RBMS3: variants seen among roughly 807,000 people sequenced by gnomAD.
The protein encoded by RBMS3 is RNA binding motif single stranded interacting protein 3.
In RBMS3, 27 loss-of-function variants were observed where a neutral mutation model predicts 66.8. The observed-to-expected ratio is 0.40, with a 90% CI of 0.30 to 0.56. The LOEUF (loss-of-function observed/expected upper bound fraction) is 0.56, where lower values mean the gene tolerates loss of function less well. Among genes scored for constraint, RBMS3 ranks in the 20% least tolerant of loss-of-function variants. The probability of loss-of-function intolerance (pLI) is 0.40; values close to 1 mark genes in which losing one functional copy is unlikely to be tolerated. For synonymous variants in RBMS3, 188 were observed against 183.0 expected (o/e 1.03, Z -0.22); for missense variants, 513 against 549.5 (o/e 0.93, Z 0.66).
intron 6 of RBMS3, among the ~76,000 whole-genome samples, chr3:29,805,982 G>C (rs546863279): frequency 4.6e-5 from 7 of 151,878 alleles, no homozygotes; most frequent in Non-Finnish European, 8.8e-5. Flanking sequence ...CCTATACAGG[G>C]GTGCCATTTT....
Position 29,896,039 on chromosome 3 carries a change from A to C in RBMS3, c.792-1340A>C, listed in dbSNP as rs78867652. 3.8e-3 allele frequency among the ~76,000 whole-genome samples: 579 copies of C among 151,604 alleles called. 9 individuals carry two copies. In the East Asian group the frequency reaches 0.053, roughly 14 times the overall value. ...TAGTAAGAATGTAATGTATGATGGG[A>C]TAATTTTTTTCATCCACACTATTTT... On this transcript the variant is annotated intron_variant, in intron 8 of 14. Coordinates refer to ENST00000383767, the MANE Select transcript of RBMS3 (RefSeq NM_001003793.3).
chr3:29,878,403 G>A (rs984135411), intron 7 of RBMS3, among the ~76,000 whole-genome samples: 2 of 152,082 alleles, frequency 1.3e-5, no homozygotes, highest in Non-Finnish European at 1.5e-5. Flanking sequence ...CTCAGCCAGG[G>A]TGTAGCCATT....
At chr3:29,385,644 G>A (rs1382112610) in intron 1 of RBMS3, among the ~76,000 whole-genome samples, 1 of 152,016 alleles carries the variant, frequency 6.6e-6, no homozygotes, top group Non-Finnish European at 1.5e-5. Context: ...TTGATTCACT[G>A]TATCCCATAC....
chr3:29,587,237 T>TTTTTTTG, intron 4 of RBMS3, 32 bp downstream of exon 4: 1 of 797,916 alleles, frequency 1.3e-6, no homozygotes. Flanking sequence ...GTTTTTTTTT[T>TTTTTTTG]TTTTTTTTTT....
chr3:29,334,075 G>A (rs1328842729), intron 1 of RBMS3, among the ~76,000 whole-genome samples: 1 of 148,936 alleles, frequency 6.7e-6, no homozygotes, highest in Non-Finnish European at 1.5e-5. Context: ...GAGAGTTGAT[G>A]TGAGAGTGAA....
intron 3 of RBMS3, among the ~76,000 whole-genome samples, chr3:29,489,186 C>T (rs1193214997): frequency 6.6e-6 from 1 of 152,052 alleles, no homozygotes; most frequent in East Asian, 1.9e-4. Context: ...TTTGTTGTTC[C>T]TTTAATCTAA....
chr3:29,467,747 A>G (rs1297897822), intron 2 of RBMS3, among the ~76,000 whole-genome samples: 1 of 152,248 alleles, frequency 6.6e-6, no homozygotes, highest in African/African-American at 2.4e-5. Context: ...GTAATCTAGT[A>G]GAAATAGGAT....
chr3:29,995,083 C>T (rs1401536177), intron 14 of RBMS3, among the ~76,000 whole-genome samples: 1 of 152,156 alleles, frequency 6.6e-6, no homozygotes, highest in Non-Finnish European at 1.5e-5. Context: ...CTTAAAGGAG[C>T]TGATGGAGCT....
At chr3:29,433,303 A>T (rs546975921) in intron 1 of RBMS3, among the ~76,000 whole-genome samples, 1 of 152,106 alleles carries the variant, frequency 6.6e-6, no homozygotes, top group Non-Finnish European at 1.5e-5. Flanking sequence ...TAAAATAGCT[A>T]AAGACTCTTC....
chr3:29,847,785 A>T (rs1202964479), intron 6 of RBMS3, among the ~76,000 whole-genome samples: 1 of 151,896 alleles, frequency 6.6e-6, no homozygotes, highest in African/African-American at 2.4e-5. Flanking sequence ...CCTCCCAAGT[A>T]GCTGGGACTA....
intron 1 of RBMS3, among the ~76,000 whole-genome samples, chr3:29,331,529 C>A (rs1452310778): frequency 6.6e-6 from 1 of 152,108 alleles, no homozygotes; most frequent in Non-Finnish European, 1.5e-5. Flanking sequence ...CCGGGGAGCA[C>A]TTCTTTAATA....
chr3:29,727,933 G>A (rs1355730494), intron 4 of RBMS3, among the ~76,000 whole-genome samples: 4 of 152,086 alleles, frequency 2.6e-5, no homozygotes, highest in South Asian at 4.1e-4. Flanking sequence ...CACTATTTAC[G>A]ATAGTAAAGA....
At position 29,537,834 on chromosome 3, in the gene RBMS3, A is replaced by AG. The variant is rs1196780059; in HGVS notation, c.308-49280_308-49279insG. On this transcript the variant is annotated intron_variant, in intron 3 of 14. Transcript: ENST00000383767. The stretch of plus-strand genomic sequence containing the variant: ...CGAGACTCCACCTCAAAAAAAAAAA[A>AG]AAAAAGAAAGAAAGAAAAAAAATTT... Among the ~76,000 whole-genome samples, 4 of 151,474 alleles carry AG rather than the reference A, an allele frequency of 2.6e-5. No individual in the cohort carries two copies. The East Asian group carries it at 5.8e-4, about 22-fold the overall frequency.
Position 29,357,437 on chromosome 3 carries a change from C to T in RBMS3, c.75+75681C>T, listed in dbSNP as rs1337978836. On this transcript the variant is annotated intron_variant, in intron 1 of 14. Coordinates refer to ENST00000383767, the MANE Select transcript of RBMS3 (RefSeq NM_001003793.3). Reference sequence around the variant, plus strand: ...TGTATATGTGCCACATTTTCTTAATCCAGTCTATCATTGGTGGACATTTGG... The same window carrying T: ...TGTATATGTGCCACATTTTCTTAATTCAGTCTATCATTGGTGGACATTTGG... 2.0e-5 allele frequency among the ~76,000 whole-genome samples: 3 copies of T among 152,314 alleles called. No homozygotes were observed. In the South Asian group the frequency reaches 6.2e-4, roughly 32 times the overall value.
chr3:29,708,100 G>A (rs889620689), intron 4 of RBMS3, among the ~76,000 whole-genome samples: 2 of 152,150 alleles, frequency 1.3e-5, no homozygotes, highest in African/African-American at 4.8e-5. Context: ...AGCCCCTGCT[G>A]ATTGACAGCG....
At chr3:29,894,541 C>T (rs2060080993) in intron 8 of RBMS3, among the ~76,000 whole-genome samples, 1 of 151,440 alleles carries the variant, frequency 6.6e-6, no homozygotes, top group African/African-American at 2.4e-5. Context: ...CTTAAAAGAA[C>T]ACTAATCCTA....
At chr3:29,797,743 G>A (rs748829614) in intron 6 of RBMS3, 1 of 152,058 alleles carries the variant, frequency 6.6e-6, no homozygotes, top group Non-Finnish European at 1.5e-5. Flanking sequence ...TAATAGGGAT[G>A]GTATTAGGTG....
In RBMS3 at chr3:29,695,288, C is replaced by T. The variant is rs569243500; in HGVS notation, c.400-44432C>T. Among the ~76,000 whole-genome samples, 469 of 151,992 alleles carry T rather than the reference C, an allele frequency of 3.1e-3. 3 individuals carry two copies. The highest frequency in any genetic ancestry group is 0.011 in the African/African-American group (443 of 41,462). ...TGAATTCAGGTTTTGTGACTTTTTCCTTATTAATAAAAAAGGATTAGTGAT... is the reference window on the plus strand; with the variant it reads ...TGAATTCAGGTTTTGTGACTTTTTCTTTATTAATAAAAAAGGATTAGTGAT... On this transcript the variant is annotated intron_variant, in intron 4 of 14. Transcript: ENST00000383767.
At chr3:29,324,499 C>T (rs144825424) in intron 1 of RBMS3, among the ~76,000 whole-genome samples, 3,480 of 152,260 alleles carry the variant, frequency 0.023, 58 homozygotes, top group Non-Finnish European at 0.034. Flanking sequence ...TAACCTGGAA[C>T]GGCCATGTCC....
Sources: allele counts gnomAD v4.1 joint callset (sites outside exome capture counted in the v4.1 genomes callset), GRCh38; gene constraint gnomAD v4.1.1; transcripts MANE v1.5; gene names NCBI Gene and HGNC (gene_info 2026-07-23, HGNC 2026-07-21).